The following MGAT4C variants were observed in gnomAD, a reference collection of about 807,000 sequenced individuals.
MGAT4C encodes MGAT4 family member C.
A neutral mutation model predicts 40.1 loss-of-function variants in MGAT4C; 19 were observed. That is an observed-to-expected ratio of 0.47 (90% CI 0.33 to 0.70). MGAT4C has a LOEUF of 0.70. Among genes scored for constraint, MGAT4C ranks in the 30% least tolerant of loss-of-function variants. The pLI is 0.02. For missense variants in MGAT4C, 491 were observed against 563.2 expected (o/e 0.87, Z 1.30); for synonymous variants, 181 against 187.1 (o/e 0.97, Z 0.27).
intron 1 of MGAT4C, among the ~76,000 whole-genome samples, chr12:86,799,368 T>A (rs1232636865): frequency 4.0e-5 from 6 of 151,790 alleles, no homozygotes; most frequent in Admixed American, 6.6e-5. Context: ...TAGAAAAAAA[T>A]TTTCAGGTTT....
At position 86,173,966 on chromosome 12, in the gene MGAT4C, A is replaced by G. The variant is rs116504879; in HGVS notation, c.-57+82273T>C. Among the ~76,000 whole-genome samples, 797 of 152,044 alleles carry G rather than the reference A, an allele frequency of 5.2e-3. 7 individuals are homozygous for G. The highest frequency in any genetic ancestry group is 0.018 in the African/African-American group (759 of 41,480). On this transcript the variant is annotated intron_variant, in intron 1 of 4. Coordinates refer to ENST00000611864, the MANE Select transcript of MGAT4C (RefSeq NM_001351288.2). ...GTTGTCTTTAACATTTAATACTGTC[A>G]TTCTGTGTCCAGCTAATGCAATGTT... is the stretch of plus-strand genomic sequence containing the variant.
chr12:86,344,320 G>A (rs112936430), intron 3 of MGAT4C, among the ~76,000 whole-genome samples: 3,011 of 152,240 alleles, frequency 0.02, 92 homozygotes, highest in African/African-American at 0.068. Flanking sequence ...TAACTTTAGG[G>A]ACTATTCTAT....
intron 2 of MGAT4C, among the ~76,000 whole-genome samples, chr12:86,518,455 C>A (rs191372272): frequency 1.8e-4 from 27 of 152,268 alleles, no homozygotes; most frequent in African/African-American, 5.8e-4. Flanking sequence ...AAACTTATTT[C>A]TCATACATGA....
At chr12:86,501,978 G>A (rs905883842) in intron 2 of MGAT4C, among the ~76,000 whole-genome samples, 9 of 151,680 alleles carry the variant, frequency 5.9e-5, no homozygotes, top group African/African-American at 2.2e-4. Context: ...GTCATAATTA[G>A]GAAAAAACAC....
chr12:86,027,221 A>G (rs1026402895), intron 2 of MGAT4C, among the ~76,000 whole-genome samples: 4 of 151,826 alleles, frequency 2.6e-5, no homozygotes, highest in Non-Finnish European at 4.4e-5. Context: ...ATTCATGGGT[A>G]TTTTCCTGGC....
At chr12:86,326,805 A>G (rs1488342208) in intron 4 of MGAT4C, among the ~76,000 whole-genome samples, 3 of 152,188 alleles carry the variant, frequency 2.0e-5, no homozygotes, top group East Asian at 3.8e-4. Context: ...TTAATAAATA[A>G]TTAAAGGCAA....
At chr12:86,190,178 A>G (rs1378759479) in intron 1 of MGAT4C, among the ~76,000 whole-genome samples, 1 of 152,078 alleles carries the variant, frequency 6.6e-6, no homozygotes, top group East Asian at 1.9e-4. Flanking sequence ...AGTCCTAACA[A>G]TATTATAGGG....
chr12:86,442,032 C>T (rs140660698), intron 2 of MGAT4C, among the ~76,000 whole-genome samples: 1,954 of 152,146 alleles, frequency 0.013, 94 homozygotes, highest in Admixed American at 0.021. Flanking sequence ...TAATGATTGC[C>T]ATTCTAACTG....
intron 1 of MGAT4C, among the ~76,000 whole-genome samples, chr12:86,739,096 G>T: frequency 8.3e-6 from 1 of 119,970 alleles, no homozygotes; most frequent in Non-Finnish European, 1.7e-5. Flanking sequence ...CTTAAGATGG[G>T]TAAAGCAGAT....
intron 2 of MGAT4C, among the ~76,000 whole-genome samples, chr12:86,511,139 A>C (rs911664401): frequency 6.6e-6 from 1 of 151,910 alleles, no homozygotes; most frequent in African/African-American, 2.4e-5. Flanking sequence ...ATAACAAACT[A>C]TCTCTCAGAC....
At position 86,353,868 on chromosome 12, in the gene MGAT4C, C is replaced by T. The variant is rs561768356; in HGVS notation, c.-119-19741G>A. Among the ~76,000 whole-genome samples the T allele has an allele frequency of 1.9e-4, 29 of 152,144 alleles. No homozygotes were observed. The East Asian group carries it at 3.9e-3, about 20-fold the overall frequency. On this transcript the variant is annotated intron_variant, in intron 3 of 7. Transcript: ENST00000548651. Reference sequence around the variant, plus strand: ...GAACAGAATTGTAGATGTGCACGAGCGTAATGAGGCAAATACTCTGGCCTC... The same window carrying T: ...GAACAGAATTGTAGATGTGCACGAGTGTAATGAGGCAAATACTCTGGCCTC...
chr12:86,613,162 AAT>A (rs1487545159), intron 2 of MGAT4C, among the ~76,000 whole-genome samples: 3 of 152,230 alleles, frequency 2.0e-5, no homozygotes, highest in Non-Finnish European at 2.9e-5. Context: ...CGATTAAATT[AAT>A]ATATGAGGAT....
At chr12:86,543,679 T>A (rs947397285) in intron 2 of MGAT4C, among the ~76,000 whole-genome samples, 1 of 152,170 alleles carries the variant, frequency 6.6e-6, no homozygotes, top group Admixed American at 6.5e-5. Flanking sequence ...ACTAGTATTT[T>A]ACCCAAGAAT....
chr12:86,224,946 A>G (rs956627904), intron 1 of MGAT4C, among the ~76,000 whole-genome samples: 26 of 152,240 alleles, frequency 1.7e-4, no homozygotes, highest in African/African-American at 6.0e-4. Flanking sequence ...ATCAGAGCAT[A>G]AAGAAACCAA....
chr12:86,299,150 C>T (rs1308039141), intron 4 of MGAT4C, among the ~76,000 whole-genome samples: 2 of 152,144 alleles, frequency 1.3e-5, no homozygotes, highest in African/African-American at 4.8e-5. Flanking sequence ...GAATCTCGCT[C>T]TGTCGCCCAG....
At chr12:85,988,300 A>T (rs936741648) in intron 3 of MGAT4C, among the ~76,000 whole-genome samples, 5 of 152,164 alleles carry the variant, frequency 3.3e-5, no homozygotes, top group Non-Finnish European at 7.4e-5. Context: ...AGGATGCAAG[A>T]TGTTTTACAG....
intron 3 of MGAT4C, among the ~76,000 whole-genome samples, chr12:86,360,890 T>C (rs181713731): frequency 6.6e-4 from 101 of 152,166 alleles, no homozygotes; most frequent in Non-Finnish European, 1.2e-3. Flanking sequence ...AGAATCAATA[T>C]CGTGAAAATG....
intron 3 of MGAT4C, among the ~76,000 whole-genome samples, chr12:86,403,054 G>A (rs1236528960): frequency 1.3e-5 from 2 of 152,050 alleles, no homozygotes; most frequent in East Asian, 3.9e-4. Context: ...CTTTATATTG[G>A]CCATGACTAT....
Position 86,525,260 on chromosome 12 carries a change from C to G in MGAT4C, c.-228-89995G>C, listed in dbSNP as rs150814593. Among the ~76,000 whole-genome samples the G allele has an allele frequency of 3.5e-3, 526 of 152,270 alleles. 3 individuals are homozygous for G. The highest frequency in any genetic ancestry group is 5.8e-3 in the Admixed American group (88 of 15,300). On this transcript the variant is annotated intron_variant, in intron 2 of 7. Coordinates refer to the MGAT4C transcript ENST00000548651. ...TAAAAGTGTTTGGCAGTTTCCCTCC[C>G]ACCATCCTCTCTCTCCTACTGCCTG...
Sources: allele counts gnomAD v4.1 joint callset (sites outside exome capture counted in the v4.1 genomes callset), GRCh38; gene constraint gnomAD v4.1.1; transcripts MANE v1.5; gene names NCBI Gene and HGNC (gene_info 2026-07-23, HGNC 2026-07-21).